Variants in SLC17A8 observed in about 807,000 individuals in gnomAD.
The protein encoded by SLC17A8 is solute carrier family 17 member 8.
A neutral mutation model predicts 58.0 loss-of-function variants in SLC17A8; 31 were observed. The ratio of observed to expected loss-of-function variants is 0.53; its 90% CI spans 0.40 to 0.72. The LOEUF is 0.72. Among genes scored for constraint, SLC17A8 ranks in the 30% least tolerant of loss-of-function variants. The pLI, the probability that SLC17A8 is intolerant of heterozygous loss-of-function variation, is 0.00. For missense variants in SLC17A8, 655 were observed against 727.8 expected (o/e 0.90, Z 1.15); for synonymous variants, 228 against 249.0 (o/e 0.92, Z 0.79).
intron 9 of SLC17A8, among the ~76,000 whole-genome samples, chr12:100,408,226 C>G (rs911479925): frequency 6.6e-6 from 1 of 152,064 alleles, no homozygotes; most frequent in African/African-American, 2.4e-5. Flanking sequence ...TTTAATATGC[C>G]ATTAAAATCA....
intron 1 of SLC17A8, among the ~76,000 whole-genome samples, chr12:100,379,982 C>T (rs1276246574): frequency 6.6e-6 from 1 of 152,022 alleles, no homozygotes; most frequent in Non-Finnish European, 1.5e-5. Context: ...GGCGGATCAT[C>T]TGAGTCGGGA....
At chr12:100,401,043 G>C (rs2136004184) in intron 5 of SLC17A8, among the ~76,000 whole-genome samples, 1 of 134,188 alleles carries the variant, frequency 7.5e-6, no homozygotes, top group East Asian at 2.1e-4. Context: ...TGTCACCCAG[G>C]CTGGAGTGCA....
chr12:100,410,060 A>G (rs576410249), intron 9 of SLC17A8, among the ~76,000 whole-genome samples: 20 of 152,346 alleles, frequency 1.3e-4, no homozygotes, highest in Admixed American at 1.3e-3. Context: ...TGGGAAGACT[A>G]CCAAAGTGGC....
At chr12:100,381,184 C>A (rs1389186731) in intron 2 of SLC17A8, among the ~76,000 whole-genome samples, 1 of 152,150 alleles carries the variant, frequency 6.6e-6, no homozygotes, top group Admixed American at 6.6e-5. Context: ...GTAGCTGAGA[C>A]TACAATCCTG....
intron 1 of SLC17A8, among the ~76,000 whole-genome samples, chr12:100,377,586 T>TATATATATATATATATATA (rs57938207): frequency 6.9e-5 from 3 of 43,368 alleles, no homozygotes; most frequent in Admixed American, 2.4e-4. Flanking sequence ...TATATATATA[T>TATATATATATATATATATA]TTTTTTTTTT....
chr12:100,402,212 C>T (rs1812894333), intron 6 of SLC17A8, 128 bp from the exon 7 acceptor site: 1 of 1,042,454 alleles, frequency 9.6e-7, no homozygotes, highest in African/African-American at 1.6e-5. Context: ...CTGAGTCCCT[C>T]AAACCTTGTT....
At chr12:100,364,248 G>A (rs1233062008) in intron 1 of SLC17A8, among the ~76,000 whole-genome samples, 2 of 152,140 alleles carry the variant, frequency 1.3e-5, no homozygotes, top group East Asian at 3.9e-4. Context: ...TCCTCAGATA[G>A]TGATGTTGGC....
chr12:100,372,658 A>AAATGTG (rs1952566364), intron 1 of SLC17A8, among the ~76,000 whole-genome samples: 1 of 152,222 alleles, frequency 6.6e-6, no homozygotes, highest in East Asian at 1.9e-4. Flanking sequence ...ACTTCAACAC[A>AAATGTG]TGAATTTTGG....
At chr12:100,400,032 C>G (rs1168474873) in intron 5 of SLC17A8, among the ~76,000 whole-genome samples, 1 of 152,112 alleles carries the variant, frequency 6.6e-6, no homozygotes, top group Non-Finnish European at 1.5e-5. Context: ...CTTACCTTGT[C>G]AGGTTGAAGG....
At position 100,420,728 on chromosome 12, in the gene SLC17A8, T is replaced by G. The variant is rs979428596; in HGVS notation, c.*569T>G. On this transcript the variant is annotated 3_prime_UTR_variant, in exon 12 of 12. Transcript: ENST00000323346. Reference sequence around the variant, plus strand: ...CATCTGCCAGGGTCAGTGCTGAGACTGTTGAAGCTCTCAATAGGTGGCAGT... The same window carrying G: ...CATCTGCCAGGGTCAGTGCTGAGACGGTTGAAGCTCTCAATAGGTGGCAGT... 1 of 156,282 alleles carries G rather than the reference T, an allele frequency of 6.4e-6. No homozygotes were observed. The highest frequency in any genetic ancestry group is 1.4e-5 in the Non-Finnish European group (1 of 70,386). The allele number at this position is 156,282 out of a possible 1,614,324, so 9.7% of individuals were successfully genotyped here.
chr12:100,412,623 G>T (rs1039610759), intron 9 of SLC17A8, 147 bp from the exon 10 acceptor site: 105 of 524,834 alleles, frequency 2.0e-4, no homozygotes, highest in Non-Finnish European at 3.2e-4. Context: ...TTAAATTCCA[G>T]AACTTAAAGT....
At position 100,402,612 on chromosome 12, in the gene SLC17A8, G is replaced by A. The variant is rs765214819; in HGVS notation, c.920G>A (p.Trp307Ter). The A allele has an allele frequency of 4.1e-5, 66 of 1,613,802 alleles. No homozygotes were observed. Among genetic ancestry groups the A allele is most frequent in the Non-Finnish European group, 5.4e-5 (64 of 1,179,968 alleles). The change falls in exon 8 of 12, where the codon TGG becomes TAG. Residue 307 changes from tryptophan (W) to a stop codon, truncating the protein, a stop_gained. Transcript: ENST00000323346. LOFTEE classifies it high-confidence loss of function. ...VVSLSKFSTPWKRFFTSLPVY... is the reference protein window; with the variant it reads ...VVSLSKFSTP The stretch of plus-strand genomic sequence containing the variant: ...ACTCCCTAGAAATTTAGTACCCCAT[G>A]GAAAAGATTTTTCACATCTTTGCCG...
chr12:100,359,160 T>A (rs1952467569), intron 1 of SLC17A8, among the ~76,000 whole-genome samples: 1 of 152,038 alleles, frequency 6.6e-6, no homozygotes. Context: ...AAAATAAATT[T>A]AAAAACCTAT....
chr12:100,357,811 T>C (rs1952458927), intron 1 of SLC17A8, among the ~76,000 whole-genome samples: 1 of 152,254 alleles, frequency 6.6e-6, no homozygotes, highest in Non-Finnish European at 1.5e-5. Context: ...GATAATATTT[T>C]ATGTTAACTC....
Position 100,419,829 on chromosome 12 carries a change from G to T in SLC17A8, c.1440G>T (p.Trp480Cys), listed in dbSNP as rs1221284288. 2 of 1,613,592 alleles carry T rather than the reference G, an allele frequency of 1.2e-6. No homozygotes were observed. Among genetic ancestry groups the T allele is most frequent in the Non-Finnish European group, 1.7e-6 (2 of 1,180,002 alleles). Residue 480 changes from tryptophan to cysteine, a missense_variant, in exon 12 of 12, where the codon TGG becomes TGT. Coordinates refer to ENST00000323346, the MANE Select transcript of SLC17A8 (RefSeq NM_139319.3). ...AMTRHKTREE[W>C]QNVFLIAALV... The stretch of plus-strand genomic sequence containing the variant: ...TCCTTATTTAGACCCGTGAAGAATG[G>T]CAGAATGTGTTCCTCATAGCTGCCC...
intron 4 of SLC17A8, among the ~76,000 whole-genome samples, chr12:100,395,905 T>C (rs972269583): frequency 2.0e-5 from 3 of 152,166 alleles, no homozygotes; most frequent in Non-Finnish European, 4.4e-5. Context: ...GAGCCACCGC[T>C]CCTGGCCTAG....
intron 9 of SLC17A8, 126 bp from the exon 10 acceptor site, chr12:100,412,644 C>CACAAACAAA: frequency 2.9e-6 from 1 of 341,206 alleles, no homozygotes; most frequent in Non-Finnish European, 5.5e-6. Flanking sequence ...AAAAAAAAAA[C>CACAAACAAA]ATAGACACAA....
intron 9 of SLC17A8, among the ~76,000 whole-genome samples, chr12:100,411,698 A>C (rs935452528): frequency 6.6e-6 from 1 of 152,018 alleles, no homozygotes; most frequent in Admixed American, 6.6e-5. Flanking sequence ...TGTCAGCTGA[A>C]CTTTTTTTTC....
At chr12:100,399,471 A>C (rs1273784413) in intron 5 of SLC17A8, among the ~76,000 whole-genome samples, 1 of 152,226 alleles carries the variant, frequency 6.6e-6, no homozygotes, top group Non-Finnish European at 1.5e-5. Context: ...TGGGTAATTT[A>C]TAAAAGAAAG....
Sources: gnomAD v4.1 joint callset for allele counts (sites outside exome capture counted in the v4.1 genomes callset) on GRCh38, gnomAD v4.1.1 for gene constraint, MANE v1.5 for transcripts, NCBI Gene and HGNC (gene_info 2026-07-23, HGNC 2026-07-21) for gene names.